The following CHN1 variants were observed in gnomAD, a reference collection of about 807,000 sequenced individuals.
CHN1 encodes the protein N-chimaerin.
CHN1 carries 37 observed loss-of-function variants against 59.5 expected under a neutral mutation model. The observed-to-expected ratio is 0.62, with a 90% confidence interval of 0.48 to 0.82. CHN1 has a LOEUF of 0.82. CHN1 is among the 40% of genes least tolerant of loss of function. CHN1 has a pLI of 0.00. For missense variants in CHN1, 469 were observed against 571.0 expected (o/e 0.82, Z 1.82); for synonymous variants, 206 against 200.4 (o/e 1.03, Z -0.24).
intron 1 of CHN1, among the ~76,000 whole-genome samples, chr2:174,997,679 T>C (rs1691751890): frequency 6.6e-6 from 1 of 152,088 alleles, no homozygotes; most frequent in Non-Finnish European, 1.5e-5. Context: ...TAAAATCATC[T>C]TTACCAGAGT....
intron 1 of CHN1, among the ~76,000 whole-genome samples, chr2:174,966,960 T>C (rs966624273): frequency 2.0e-5 from 3 of 152,142 alleles, no homozygotes; most frequent in African/African-American, 7.2e-5. Flanking sequence ...AATAATATAA[T>C]ACATTCCCTG....
rs912955641 is a variant in CHN1 at position 174,845,928 on chromosome 2, T to C, written c.627+952A>G. ...AATAAATGTTGAATAAATAAATAAA[T>C]GAAAGATCATGATTTCCAGCTTTAT... On this transcript the variant is annotated intron_variant, in intron 7 of 12. Coordinates refer to ENST00000409900, the MANE Select transcript of CHN1 (RefSeq NM_001822.7). 1.3e-4 allele frequency among the ~76,000 whole-genome samples: 20 copies of C among 152,250 alleles called. 1 individual carries two copies. Among genetic ancestry groups the C allele is most frequent in the Admixed American group, 9.8e-4 (15 of 15,278 alleles).
intron 5 of CHN1, among the ~76,000 whole-genome samples, chr2:174,904,093 T>C (rs1010260977): frequency 1.3e-5 from 2 of 151,484 alleles, no homozygotes; most frequent in African/African-American, 2.4e-5. Flanking sequence ...AGAAACCCCG[T>C]CTCTACTAAA....
chr2:174,858,095 A>C (rs2105449356), intron 6 of CHN1, among the ~76,000 whole-genome samples: 1 of 152,262 alleles, frequency 6.6e-6, no homozygotes, highest in South Asian at 2.1e-4. Context: ...ATATCAAAAC[A>C]AAAGCTAAAG....
At position 174,799,782 on chromosome 2, in the gene CHN1, G is replaced by C. The variant is rs1229653819; in HGVS notation, c.*334C>G. The C allele has an allele frequency of 2.0e-5, 11 of 543,002 alleles. No homozygotes were observed. The highest frequency in any genetic ancestry group is 1.3e-4 in the African/African-American group (7 of 54,328). The allele number at this position is 543,002 out of a possible 1,614,324, so 33.6% of individuals were successfully genotyped here. On this transcript the variant is annotated 3_prime_UTR_variant, in exon 13 of 13. Transcript: ENST00000409900. ...CTCTGTGAAACATGCTGGATTACAA[G>C]CACAGACTACCCAGGACGCAGAGGC...
chr2:174,939,751 G>C (rs1689601335), intron 3 of CHN1, among the ~76,000 whole-genome samples: 1 of 152,022 alleles, frequency 6.6e-6, no homozygotes, highest in Non-Finnish European at 1.5e-5. Context: ...AATCATCCTT[G>C]ATCACAGCGA....
chr2:174,955,122 G>T (rs564327180), intron 1 of CHN1, among the ~76,000 whole-genome samples: 12 of 146,642 alleles, frequency 8.2e-5, no homozygotes, highest in East Asian at 4.0e-4. Context: ...TAGATCTATA[G>T]ATCTAATATA....
rs984449244 is a variant in CHN1, at chr2:174,958,744, G to T, written c.20-6542C>A. Among the ~76,000 whole-genome samples, 73 of 152,196 alleles carry T rather than the reference G, an allele frequency of 4.8e-4. 4 individuals carry two copies. The highest frequency in any genetic ancestry group is 5.9e-5 in the Non-Finnish European group (4 of 68,030). On this transcript the variant is annotated intron_variant, in intron 1 of 12. Coordinates refer to ENST00000409900, the MANE Select transcript of CHN1 (RefSeq NM_001822.7). ...GGAATAGTAACAACATAGGTTTGTT[G>T]TTGAGAATTAAATTAGGTATCATCT...
chr2:174,960,783 C>G (rs533302512), intron 1 of CHN1, among the ~76,000 whole-genome samples: 272 of 152,062 alleles, frequency 1.8e-3, no homozygotes, highest in Non-Finnish European at 3.2e-3. Flanking sequence ...GATCATGCCA[C>G]TGTACTCTGA....
At chr2:174,850,036 A>G (rs1323154848) in intron 6 of CHN1, among the ~76,000 whole-genome samples, 1 of 152,180 alleles carries the variant, frequency 6.6e-6, no homozygotes, top group African/African-American at 2.4e-5. Flanking sequence ...AGTAACCAAG[A>G]TCTTATGATC....
intron 8 of CHN1, among the ~76,000 whole-genome samples, chr2:174,815,500 A>C (rs1685218811): frequency 6.6e-6 from 1 of 151,854 alleles, no homozygotes; most frequent in African/African-American, 2.4e-5. Flanking sequence ...TAAGCCCATA[A>C]TCCGGTGAGT....
In CHN1 at chr2:174,866,620, G is replaced by T. The variant is rs115024271; in HGVS notation, c.549+11220C>A. On this transcript the variant is annotated intron_variant, in intron 6 of 12. Transcript: ENST00000409900. ...GCTATAGCCACAAGATAGCAAAATA[G>T]TTCTGGTTTAAATAACAATTTCAGC... Among the ~76,000 whole-genome samples, 1,427 of 152,252 alleles carry T rather than the reference G, an allele frequency of 9.4e-3. 15 individuals carry two copies. The highest frequency in any genetic ancestry group is 0.033 in the African/African-American group (1,359 of 41,550).
chr2:174,814,622 T>C (rs1436444315), intron 8 of CHN1, among the ~76,000 whole-genome samples: 2 of 152,234 alleles, frequency 1.3e-5, no homozygotes, highest in Non-Finnish European at 2.9e-5. Flanking sequence ...TCAATGTTAA[T>C]ATAGGTAAAA....
At chr2:174,812,746 C>G (rs1685118906) in intron 8 of CHN1, among the ~76,000 whole-genome samples, 1 of 151,838 alleles carries the variant, frequency 6.6e-6, no homozygotes, top group South Asian at 2.1e-4. Context: ...ACAAAAAAAT[C>G]AAAATTAATG....
chr2:174,808,801 G>C (rs888250725), intron 11 of CHN1, 104 bp downstream of exon 11: 3 of 1,244,910 alleles, frequency 2.4e-6, no homozygotes, highest in African/African-American at 3.0e-5. Context: ...GAGAGGCAAA[G>C]GGGAAACATT....
At chr2:174,895,346 G>A (rs976066351) in intron 5 of CHN1, among the ~76,000 whole-genome samples, 15 of 151,926 alleles carry the variant, frequency 9.9e-5, no homozygotes, top group African/African-American at 3.6e-4. Flanking sequence ...ATCATAAAAA[G>A]GATCCACTTA....
At chr2:174,961,626 T>A (rs1271786972) in intron 1 of CHN1, among the ~76,000 whole-genome samples, 5 of 151,576 alleles carry the variant, frequency 3.3e-5, no homozygotes, top group Non-Finnish European at 7.4e-5. Flanking sequence ...AAAAATAAAA[T>A]TAAAAAAATA....
chr2:174,819,815 TC>T (rs1685419078), intron 8 of CHN1, among the ~76,000 whole-genome samples: 1 of 68,094 alleles, frequency 1.5e-5, no homozygotes, highest in East Asian at 5.2e-4. Context: ...CCCTCCCCCC[TC>T]CCCCCACCCC....
At chr2:174,962,669 G>GGA (rs1403460915) in intron 1 of CHN1, among the ~76,000 whole-genome samples, 1 of 78,092 alleles carries the variant, frequency 1.3e-5, no homozygotes, top group African/African-American at 5.8e-5. Flanking sequence ...GGCCCGGGGG[G>GGA]GGGGGGGGGG....
Sources: gnomAD v4.1 joint callset for allele counts (sites outside exome capture counted in the v4.1 genomes callset) on GRCh38, gnomAD v4.1.1 for gene constraint, MANE v1.5 for transcripts, NCBI Gene and HGNC (gene_info 2026-07-23, HGNC 2026-07-21) for gene names.